KIAA0586: variants seen among roughly 807,000 people sequenced by gnomAD.
KIAA0586 encodes KIAA0586, also known as protein TALPID3.
In KIAA0586, 144 loss-of-function variants were observed where a neutral mutation model predicts 169.8. That is an observed-to-expected ratio of 0.85 (90% CI 0.74 to 0.97). The LOEUF is 0.97. Ranked by LOEUF, KIAA0586 falls within the 50% of genes least tolerant of loss-of-function variation. KIAA0586 has a pLI of 0.00. For missense variants in KIAA0586, 1,854 were observed against 1,823.0 expected, an observed-to-expected ratio of 1.02 and a Z score of -0.31; for synonymous variants, 625 against 612.4, an observed-to-expected ratio of 1.02 and a Z score of -0.30.
chr14:58,479,450 T>C (rs754203169), intron 20 of KIAA0586, among the ~76,000 whole-genome samples: 3 of 152,210 alleles, frequency 2.0e-5, no homozygotes, highest in Non-Finnish European at 4.4e-5. Context: ...TTGTAAATAT[T>C]TTCTTCTACT....
chr14:58,468,267 C>G (rs553873838), intron 16 of KIAA0586, among the ~76,000 whole-genome samples: 1 of 152,116 alleles, frequency 6.6e-6, no homozygotes, highest in East Asian at 1.9e-4. Flanking sequence ...CCAGGCTTGT[C>G]TCAAACTCCT....
intron 20 of KIAA0586, 58 bp downstream of exon 20, chr14:58,477,299 G>A (rs898337034): frequency 1.2e-5 from 11 of 903,972 alleles, no homozygotes; most frequent in East Asian, 7.9e-5. Flanking sequence ...TTAGTTCATC[G>A]TGGATTTATA....
At chr14:58,460,192 A>G (rs1339257406) in intron 13 of KIAA0586, 122 bp downstream of exon 13, 1 of 625,066 alleles carries the variant, frequency 1.6e-6, no homozygotes, top group Non-Finnish European at 2.7e-6. Context: ...ATACAAATGT[A>G]AGCTATCTTT....
At chr14:58,503,562 AT>A (rs1054414858) in intron 27 of KIAA0586, among the ~76,000 whole-genome samples, 93 of 152,116 alleles carry the variant, frequency 6.1e-4, no homozygotes, top group African/African-American at 2.0e-3. Flanking sequence ...GTTCACAATG[AT>A]TTTTTTTCTC....
chr14:58,548,991 A>C lies in KIAA0586; in HGVS notation c.*1059A>C, dbSNP rs1438633267. 2 of 152,176 alleles carry C rather than the reference A, an allele frequency of 1.3e-5. No homozygotes were observed. Among genetic ancestry groups the C allele is most frequent in the Non-Finnish European group, 2.9e-5 (2 of 68,066 alleles). The allele number at this position is 152,176 out of a possible 1,614,324, so 9.4% of individuals were successfully genotyped here. ...GTGGAGATGGGGGTGGGTAGTGCCC[A>C]GCACAGTGCTTGATACCATGTAAGT... is the stretch of plus-strand genomic sequence containing the variant. On this transcript the variant is annotated 3_prime_UTR_variant, in exon 31 of 31. Transcript: ENST00000652326.
chr14:58,523,726 T>TATC (rs2045379522), intron 29 of KIAA0586, among the ~76,000 whole-genome samples: 1 of 150,124 alleles, frequency 6.7e-6, no homozygotes, highest in Non-Finnish European at 1.5e-5. Context: ...TGAATATTAT[T>TATC]ATTATTATTA....
intron 7 of KIAA0586, 38 bp from the exon 8 acceptor site, chr14:58,450,541 A>C (rs1324406004): frequency 3.1e-6 from 4 of 1,280,192 alleles, no homozygotes; most frequent in Non-Finnish European, 2.2e-6. Context: ...AAAGCTTTTT[A>C]AAAGCAAGTT....
chr14:58,544,799 T>C (rs1346700942), intron 30 of KIAA0586, among the ~76,000 whole-genome samples: 1 of 152,246 alleles, frequency 6.6e-6, no homozygotes, highest in African/African-American at 2.4e-5. Flanking sequence ...TTGTGACTCC[T>C]TACTGCTTTC....
At chr14:58,486,414 A>ATGAG (rs2042444065) in intron 21 of KIAA0586, among the ~76,000 whole-genome samples, 1 of 152,162 alleles carries the variant, frequency 6.6e-6, no homozygotes, top group Non-Finnish European at 1.5e-5. Flanking sequence ...CAATGAACAT[A>ATGAG]TGAGTGCATG....
chr14:58,458,545 G>A lies in KIAA0586; in HGVS notation c.1656G>A (p.Gln552=), dbSNP rs762081862. The A allele has an allele frequency of 7.9e-6, 12 of 1,514,396 alleles. No individual in the cohort carries two copies. The highest frequency in any genetic ancestry group is 2.1e-5 in the Admixed American group (1 of 48,216). The allele number at this position is 1,514,396 out of a possible 1,614,324, so 93.8% of individuals were successfully genotyped here. A position where few individuals can be genotyped will look rare whatever the true frequency, so the allele number is the denominator to read the frequency against. ...EWIKTISAEI[Q]DELSRTDYEQ... ...TTAAAACTATTTCTGCAGAAATTCA[G>A]GTATGTCTTGGAAAAAAACTGAAAA... Residue 552 remains glutamine (Q), a splice_region_variant and synonymous_variant, in exon 12 of 31, where the codon CAG becomes CAA. Transcript: ENST00000652326.
intron 1 of KIAA0586, among the ~76,000 whole-genome samples, chr14:58,428,688 T>C (rs1030103693): frequency 2.0e-5 from 3 of 150,902 alleles, no homozygotes; most frequent in Non-Finnish European, 4.4e-5. Flanking sequence ...TTTTTTGCAT[T>C]GACTTTTGCA....
intron 4 of KIAA0586, chr14:58,433,444 T>G (rs985138437): frequency 6.6e-6 from 1 of 152,234 alleles, no homozygotes; most frequent in African/African-American, 2.4e-5. Flanking sequence ...ATTTTCTACC[T>G]TCTGGATTTT....
At chr14:58,537,101 T>A (rs1690855151) in intron 29 of KIAA0586, 2 of 1,231,654 alleles carry the variant, frequency 1.6e-6, no homozygotes, top group Non-Finnish European at 2.1e-6. Flanking sequence ...GTTTGCTGTT[T>A]TAATCATCAA....
chr14:58,520,589 A>G (rs1221943528), intron 29 of KIAA0586, among the ~76,000 whole-genome samples: 2 of 152,024 alleles, frequency 1.3e-5, no homozygotes, highest in African/African-American at 2.4e-5. Context: ...TGGCGTGATC[A>G]TGGCTCACTG....
At chr14:58,475,551 GTTA>G (rs2041552700) in intron 19 of KIAA0586, among the ~76,000 whole-genome samples, 9 of 151,964 alleles carry the variant, frequency 5.9e-5, no homozygotes, top group Admixed American at 5.9e-4. Flanking sequence ...GCTGTAATAT[GTTA>G]TTATTGTTAC....
At position 58,477,188 on chromosome 14, in the gene KIAA0586, C is replaced by T. The variant is rs1267103059; in HGVS notation, c.2891C>T (p.Pro964Leu). The T allele has an allele frequency of 1.3e-6, 2 of 1,584,302 alleles. No individual in the cohort carries two copies. Among genetic ancestry groups the T allele is most frequent in the Non-Finnish European group, 1.7e-6 (2 of 1,163,326 alleles). ...TTTCCAGTCCAGCAACAGATTGCAC[C>T]TAGTATCAGTGTTTCAGTCAGTGAG... The part of the protein sequence containing the change: ...GLFPVQQQIA[P>L]SISVSVSETS... Residue 964 changes from proline (P) to leucine (L), a missense_variant, in exon 20 of 31, where the codon CCT (proline) becomes CTT (leucine). Physicochemically the swap from Pro to Leu is moderately conservative, Grantham distance 98. Coordinates refer to ENST00000652326, the MANE Select transcript of KIAA0586 (RefSeq NM_001329943.3).
At chr14:58,436,184 AGAG>A in intron 4 of KIAA0586, among the ~76,000 whole-genome samples, 1 of 152,354 alleles carries the variant, frequency 6.6e-6, no homozygotes, top group South Asian at 2.1e-4. Flanking sequence ...ATATTGAAAA[AGAG>A]GAGGCAAAGT....
At chr14:58,429,220 TTTC>T (rs750822882) in intron 1 of KIAA0586, 140 bp from the exon 2 acceptor site, 28 of 576,770 alleles carry the variant, frequency 4.9e-5, no homozygotes, top group Non-Finnish European at 8.8e-5. Context: ...TTAAATACAT[TTTC>T]TTAACTTTTT....
intron 27 of KIAA0586, among the ~76,000 whole-genome samples, chr14:58,502,962 C>T: frequency 6.6e-6 from 1 of 152,158 alleles, no homozygotes; most frequent in East Asian, 1.9e-4. Flanking sequence ...CCCACCCCTG[C>T]TAATTTTCAG....
Sources: allele counts gnomAD v4.1 joint callset (sites outside exome capture counted in the v4.1 genomes callset), GRCh38; gene constraint gnomAD v4.1.1; transcripts MANE v1.5; gene names NCBI Gene and HGNC (gene_info 2026-07-23, HGNC 2026-07-21).